UTS2: variants seen among roughly 807,000 people sequenced by gnomAD.
UTS2 encodes urotensin 2.
In UTS2, 10 loss-of-function variants were observed where a neutral mutation model predicts 12.6. The ratio of observed to expected loss-of-function variants is 0.80; its 90% CI spans 0.49 to 1.35. UTS2 has a LOEUF of 1.35. Ranked by LOEUF, UTS2 falls within the 40% of genes most tolerant of loss-of-function variation. The pLI, the probability that UTS2 is intolerant of heterozygous loss-of-function variation, is 0.00. For synonymous variants in UTS2, 52 were observed against 50.0 expected (o/e 1.04, Z -0.17); for missense variants, 142 against 143.2 (o/e 0.99, Z 0.04).
At chr1:7,857,547 T>A, upstream of UTS2, among the ~76,000 whole-genome samples, 1 of 152,080 alleles carries the variant, frequency 6.6e-6, no homozygotes, top group South Asian at 2.1e-4. Context: ...ATAAAGGGAT[T>A]TTTTTCTTTT....
chr1:7,873,764 C>T, the UTS2 span, among the ~76,000 whole-genome samples: 5 of 152,040 alleles, frequency 3.3e-5, no homozygotes, highest in East Asian at 1.9e-4. Flanking sequence ...TAGAATATTC[C>T]GTAAACTTAC....
At chr1:7,876,046 C>T in the UTS2 span, among the ~76,000 whole-genome samples, 1 of 152,222 alleles carries the variant, frequency 6.6e-6, no homozygotes, top group Non-Finnish European at 1.5e-5. Context: ...CCTGTGCATA[C>T]CATTTGATCC....
chr1:7,891,504 T>A, the UTS2 span, among the ~76,000 whole-genome samples: 729 of 137,812 alleles, frequency 5.3e-3, 7 homozygotes, highest in African/African-American at 0.018. Context: ...CCAGCCTGGG[T>A]GACAAAGCCA....
chr1:7,891,556 G>GAAAGAAAGAAAC, the UTS2 span, among the ~76,000 whole-genome samples: 2 of 148,310 alleles, frequency 1.3e-5, no homozygotes, highest in Non-Finnish European at 3.0e-5. Flanking sequence ...AAGAAAGAAA[G>GAAAGAAAGAAAC]AAAGAAAGAA....
chr1:7,880,527 T>G, the UTS2 span, among the ~76,000 whole-genome samples: 1 of 152,120 alleles, frequency 6.6e-6, no homozygotes, highest in Admixed American at 6.6e-5. Context: ...TGGAGACTTT[T>G]ATGAAAAGCT....
upstream of UTS2, chr1:7,853,586 C>A: frequency 9.4e-7 from 1 of 1,060,604 alleles, no homozygotes; most frequent in Non-Finnish European, 1.4e-6. Context: ...GCTCCAGGCT[C>A]AAGACAATTC....
chr1:7,905,330 A>G, the UTS2 span, among the ~76,000 whole-genome samples: 1 of 151,682 alleles, frequency 6.6e-6, no homozygotes, highest in Non-Finnish European at 1.5e-5. Context: ...TTTTTAGTAG[A>G]CACGGGGTTT....
At chr1:7,889,886 G>T in the UTS2 span, among the ~76,000 whole-genome samples, 2 of 152,066 alleles carry the variant, frequency 1.3e-5, no homozygotes, top group African/African-American at 2.4e-5. Flanking sequence ...CTAACACAGT[G>T]AAACCCCGTC....
chr1:7,863,003 G>GTATTT, the UTS2 span, among the ~76,000 whole-genome samples: 1 of 19,716 alleles, frequency 5.1e-5, no homozygotes, highest in African/African-American at 1.8e-4. Context: ...GTATTGTATT[G>GTATTT]TATTGTATTG....
At chr1:7,859,811 A>C in the UTS2 span, among the ~76,000 whole-genome samples, 2 of 152,176 alleles carry the variant, frequency 1.3e-5, no homozygotes, top group Non-Finnish European at 2.9e-5. Context: ...CAGTCTTGGC[A>C]ACATGGTAAA....
chr1:7,857,061 AAAAG>A (rs1019448261), upstream of UTS2, among the ~76,000 whole-genome samples: 391 of 115,850 alleles, frequency 3.4e-3, 1 homozygote, highest in African/African-American at 0.011. Context: ...ACTCTGTAGG[AAAAG>A]AAAGAGAGAG....
the UTS2 span, among the ~76,000 whole-genome samples, chr1:7,880,572 G>C: frequency 2.6e-5 from 4 of 152,044 alleles, no homozygotes; most frequent in African/African-American, 4.8e-5. Flanking sequence ...AGAGAAAATG[G>C]ATAAATTATT....
the UTS2 span, among the ~76,000 whole-genome samples, chr1:7,901,404 T>C: frequency 6.6e-6 from 1 of 152,286 alleles, no homozygotes; most frequent in Middle Eastern, 3.4e-3. Flanking sequence ...GATGTCTGCC[T>C]TGGAGAGGAG....
chr1:7,862,973 G>A, the UTS2 span, among the ~76,000 whole-genome samples: 15 of 129,206 alleles, frequency 1.2e-4, no homozygotes, highest in Admixed American at 3.0e-4. Flanking sequence ...CCTGACGGCC[G>A]TTATTTATTG....
chr1:7,863,035 ATTGTATT>A, the UTS2 span, among the ~76,000 whole-genome samples: 3 of 28,460 alleles, frequency 1.1e-4, no homozygotes, highest in Non-Finnish European at 2.7e-4. Flanking sequence ...ATTGTATTGT[ATTGTATT>A]GTATTGTATT....
At chr1:7,858,017 C>T (rs1416016362), upstream of UTS2, among the ~76,000 whole-genome samples, 2 of 152,118 alleles carry the variant, frequency 1.3e-5, no homozygotes, top group Non-Finnish European at 2.9e-5. Flanking sequence ...CCGTGAGGAC[C>T]ATTTCAAAAT....
the UTS2 span, among the ~76,000 whole-genome samples, chr1:7,897,807 G>A: frequency 6.6e-6 from 1 of 151,978 alleles, no homozygotes; most frequent in African/African-American, 2.4e-5. Flanking sequence ...GGCTGGTCTC[G>A]AACTGCTGAC....
Position 7,849,618 on chromosome 1 carries a change from ACT to A in UTS2, c.258+20_258+21del. On this transcript the variant is annotated intron_variant, in intron 3 of 3. Coordinates refer to ENST00000361696, the MANE Select transcript of UTS2 (RefSeq NM_006786.4). ...CAGAATGTTCACCTTTTTAAACCTA[ACT>A]CATAAATAGAGTCACTTACCTTTCT... The A allele has an allele frequency of 6.3e-7, 1 of 1,596,884 alleles. No individual in the cohort carries two copies. Among genetic ancestry groups the A allele is most frequent in the Non-Finnish European group, 8.5e-7 (1 of 1,170,312 alleles).
At chr1:7,855,117 C>G (rs139927328), upstream of UTS2, among the ~76,000 whole-genome samples, 6 of 151,132 alleles carry the variant, frequency 4.0e-5, no homozygotes, top group African/African-American at 1.5e-4. Context: ...GCCAAAATCA[C>G]ACCACTGCAC....
Sources: gnomAD v4.1 joint callset for allele counts (sites outside exome capture counted in the v4.1 genomes callset) on GRCh38, gnomAD v4.1.1 for gene constraint, MANE v1.5 for transcripts, NCBI Gene and HGNC (gene_info 2026-07-23, HGNC 2026-07-21) for gene names.